Variants in CTH observed in about 807,000 individuals in gnomAD.
CTH encodes cystathionine gamma-lyase.
A neutral mutation model predicts 50.6 loss-of-function variants in CTH; 41 were observed. The ratio of observed to expected loss-of-function variants is 0.81; its 90% CI spans 0.63 to 1.05. CTH has a LOEUF of 1.05. CTH is among the 50% of genes least tolerant of loss of function. CTH has a pLI of 0.00. For missense variants in CTH, 470 were observed against 492.6 expected (o/e 0.95, Z 0.43); for synonymous variants, 156 against 168.9 (o/e 0.92, Z 0.59).
chr1:70,429,407 T>G (rs1049043922), intron 5 of CTH, among the ~76,000 whole-genome samples: 2 of 152,186 alleles, frequency 1.3e-5, no homozygotes, highest in African/African-American at 4.8e-5. Flanking sequence ...TACATAAAAA[T>G]TGCTGAATGT....
chr1:70,432,153 A>G lies in CTH; in HGVS notation c.795A>G (p.Arg265=), dbSNP rs1446182229. 2.5e-6 allele frequency: 4 copies of G among 1,614,048 alleles called. No homozygotes were observed. The highest frequency in any genetic ancestry group is 3.4e-6 in the Non-Finnish European group (4 of 1,180,022). Residue 265 remains arginine (R), a synonymous_variant, in exon 8 of 12, where the codon CGA becomes CGG. Coordinates refer to ENST00000370938, the MANE Select transcript of CTH (RefSeq NM_001902.6). The part of the protein sequence containing the change: ...CNRGLKTLHV[R]MEKHFKNGMA... ...GAGGTCTGAAGACTCTACATGTCCGAATGGAAAAGCATTTCAAAAACGGAA... is the reference window on the plus strand; with the variant it reads ...GAGGTCTGAAGACTCTACATGTCCGGATGGAAAAGCATTTCAAAAACGGAA...
rs1684020898 is a variant in CTH, at chr1:70,413,528, T to C, written c.168+1945T>C. ...ATTCACCCGCCTTGGCCTCCCAAAG[T>C]GCTGGGATTACAGGTGTGAGCCACG... On this transcript the variant is annotated intron_variant, in intron 1 of 11. Coordinates refer to ENST00000370938, the MANE Select transcript of CTH (RefSeq NM_001902.6). Among the ~76,000 whole-genome samples, 3 of 151,602 alleles carry C rather than the reference T, an allele frequency of 2.0e-5. No homozygotes were observed. The South Asian group carries it at 6.3e-4, about 32-fold the overall frequency.
rs1683956687 is a variant in CTH, at chr1:70,411,366, T to G, written c.-50T>G. On this transcript the variant is annotated 5_prime_UTR_variant, in exon 1 of 12. Transcript: ENST00000370938. ...CCAACCCCGGACACCCGGCTTCGACTGGTTATATCTTCGGTGTTCTTTTCC... is the reference window on the plus strand; with the variant it reads ...CCAACCCCGGACACCCGGCTTCGACGGGTTATATCTTCGGTGTTCTTTTCC... 1 of 1,606,502 alleles carries G rather than the reference T, an allele frequency of 6.2e-7. No homozygotes were observed. The highest frequency in any genetic ancestry group is 1.3e-5 in the African/African-American group (1 of 74,766).
chr1:70,427,195 C>G (rs1377220859), intron 5 of CTH, among the ~76,000 whole-genome samples: 2 of 152,136 alleles, frequency 1.3e-5, no homozygotes, highest in Non-Finnish European at 2.9e-5. Flanking sequence ...TCCTCTGGAT[C>G]TTCTGTAAGT....
chr1:70,430,293 T>G, intron 6 of CTH, 24 bp from the exon 7 acceptor site: 1 of 1,387,944 alleles, frequency 7.2e-7, no homozygotes, highest in Non-Finnish European at 1.0e-6. Flanking sequence ...AATTTTTGTT[T>G]GTTTGTTTGT....
Position 70,432,192 on chromosome 1 carries a change from G to T in CTH, c.834G>T (p.Gln278His). 1 of 1,614,190 alleles carries T rather than the reference G, an allele frequency of 6.2e-7. No homozygotes were observed. The highest frequency in any genetic ancestry group is 8.5e-7 in the Non-Finnish European group (1 of 1,180,028). ...KHFKNGMAVA[Q>H]FLESNPWVEK... ...TCAAAAACGGAATGGCAGTTGCCCA[G>T]TTCCTGGAATCTAATCCTTGGGTAG... Residue 278 changes from glutamine to histidine, a missense_variant, in exon 8 of 12, where the codon CAG becomes CAT. Gln to His is a conservative substitution (Grantham distance 24). Coordinates refer to ENST00000370938, the MANE Select transcript of CTH (RefSeq NM_001902.6).
rs573269528 is a variant in CTH, at chr1:70,421,629, G to T, written c.410G>T (p.Cys137Phe). Residue 137 changes from cysteine (C) to phenylalanine (F), a missense_variant, in exon 4 of 12, where the codon TGT becomes TTT. Coordinates refer to ENST00000370938, the MANE Select transcript of CTH (RefSeq NM_001902.6). ...GGATTAAAGATTTCTTTTGTTGATT[G>T]TTCCAAAATCAAATTACTAGAGGCA... is the stretch of plus-strand genomic sequence containing the variant. ...EFGLKISFVD[C>F]SKIKLLEAAI... The T allele has an allele frequency of 1.1e-5, 17 of 1,613,906 alleles. No individual in the cohort carries two copies. The African/African-American group carries it at 1.7e-4, about 16-fold the overall frequency.
At chr1:70,418,976 C>G in intron 3 of CTH, among the ~76,000 whole-genome samples, 1 of 103,044 alleles carries the variant, frequency 9.7e-6, no homozygotes, top group African/African-American at 3.8e-5. Context: ...CCTCCCCCCT[C>G]CCCCCACCCC....
At chr1:70,413,259 C>CTTT (rs11295998) in intron 1 of CTH, among the ~76,000 whole-genome samples, 32 of 139,198 alleles carry the variant, frequency 2.3e-4, no homozygotes, top group South Asian at 4.5e-4. Flanking sequence ...TTCTTTCTTT[C>CTTT]TTTTTTTTTT....
chr1:70,431,538 T>C (rs1024812769), intron 7 of CTH, among the ~76,000 whole-genome samples: 4 of 152,186 alleles, frequency 2.6e-5, no homozygotes, highest in Non-Finnish European at 4.4e-5. Flanking sequence ...AATATAAACA[T>C]GATTAGGAAT....
intron 2 of CTH, among the ~76,000 whole-genome samples, chr1:70,417,506 A>G (rs1684119534): frequency 6.6e-6 from 1 of 152,128 alleles, no homozygotes; most frequent in Admixed American, 6.5e-5. Context: ...GCTGGTCACG[A>G]AATCTTGACC....
Position 70,424,352 on chromosome 1 carries a change from T to A in CTH, c.524T>A (p.Ile175Asn), listed in dbSNP as rs142087996. ...ATTGACATTGAAGGCTGTGCACATA[T>A]TGTCCATAAGCATGGAGACATTATT... ...KVIDIEGCAHIVHKHGDIILV... is the reference protein window; with the variant it reads ...KVIDIEGCAHNVHKHGDIILV... The change falls in exon 5 of 12, where the codon ATT (isoleucine) becomes AAT (asparagine). Residue 175 changes from isoleucine to asparagine, a missense_variant. Transcript: ENST00000370938. The A allele has an allele frequency of 5.6e-6, 9 of 1,613,998 alleles. No homozygotes were observed. The African/African-American group carries it at 1.2e-4, about 22-fold the overall frequency.
chr1:70,431,647 A>T (rs541250505), intron 7 of CTH, among the ~76,000 whole-genome samples: 2 of 152,342 alleles, frequency 1.3e-5, no homozygotes, highest in East Asian at 3.9e-4. Context: ...GAGGCATGTG[A>T]AATCATTGAC....
At position 70,438,809 on chromosome 1, in the gene CTH, C is replaced by A. The variant is rs1400831554; in HGVS notation, c.1174C>A (p.Gln392Lys). 1 of 1,612,580 alleles carries A rather than the reference C, an allele frequency of 6.2e-7. No individual in the cohort carries two copies. Among genetic ancestry groups the A allele is most frequent in the Non-Finnish European group, 8.5e-7 (1 of 1,179,848 alleles). ...GGAAGACCTACTGGAAGATCTAGAT[C>A]AAGCTTTGAAGGCAGCAGTAAGTCT... ...DEEDLLEDLD[Q>K]ALKAAHPPSG... The change falls in exon 11 of 12, where the codon CAA (glutamine) becomes AAA (lysine). Residue 392 changes from glutamine (Q) to lysine (K), a missense_variant. Gln to Lys is a moderately conservative substitution (Grantham distance 53). Transcript: ENST00000370938.
chr1:70,421,449 T>C (rs1426714568), intron 3 of CTH, 117 bp from the exon 4 acceptor site: 1 of 1,060,284 alleles, frequency 9.4e-7, no homozygotes. Flanking sequence ...TGCTTTTAGT[T>C]GCATTTTCCT....
intron 10 of CTH, among the ~76,000 whole-genome samples, chr1:70,435,470 G>C (rs1319886190): frequency 1.3e-5 from 2 of 151,990 alleles, no homozygotes; most frequent in East Asian, 3.9e-4. Flanking sequence ...CTCTAAGCAA[G>C]GGCCACATGT....
intron 5 of CTH, among the ~76,000 whole-genome samples, 177 bp downstream of exon 5, chr1:70,424,593 T>C (rs897519571): frequency 2.0e-5 from 3 of 152,360 alleles, no homozygotes; most frequent in Non-Finnish European, 4.4e-5. Flanking sequence ...TAATATCTTT[T>C]CAAACCTATG....
At chr1:70,411,698 C>G in intron 1 of CTH, 115 bp downstream of exon 1, 1 of 1,469,136 alleles carries the variant, frequency 6.8e-7, no homozygotes. Flanking sequence ...GGAAGGCAAC[C>G]GAAAGATGTT....
chr1:70,438,863 T>TGTGTGA (rs2101765361), intron 11 of CTH, 37 bp downstream of exon 11: 2 of 1,612,508 alleles, frequency 1.2e-6, no homozygotes, highest in South Asian at 2.2e-5. Flanking sequence ...TGTGTGTGTG[T>TGTGTGA]GTGTGTCTGC....
Sources: gnomAD v4.1 joint callset for allele counts (sites outside exome capture counted in the v4.1 genomes callset) on GRCh38, gnomAD v4.1.1 for gene constraint, MANE v1.5 for transcripts, NCBI Gene and HGNC (gene_info 2026-07-23, HGNC 2026-07-21) for gene names.